The following NEBL variants were observed in gnomAD, a reference collection of about 807,000 sequenced individuals.
NEBL encodes the protein LIM and SH3 protein 2.
In NEBL, 122 loss-of-function variants were observed where a neutral mutation model predicts 140.2. The ratio of observed to expected loss-of-function variants is 0.87; its 90% confidence interval spans 0.75 to 1.01. The LOEUF is 1.01. Among genes scored for constraint, NEBL ranks in the 50% least tolerant of loss-of-function variants. The pLI is 0.00. For missense variants in NEBL, 1,365 were observed against 1,231.3 expected, an observed-to-expected ratio of 1.11 and a Z score of -1.62; for synonymous variants, 436 against 398.9, an observed-to-expected ratio of 1.09 and a Z score of -1.11.
rs533223305 is a variant in NEBL, at chr10:20,930,701, C to T, written c.357+30971G>A. 3.9e-5 allele frequency among the ~76,000 whole-genome samples: 6 copies of T among 152,248 alleles called. No individual in the cohort carries two copies. In the South Asian group the frequency reaches 6.2e-4, roughly 16 times the overall value. ...CCCTTCTGCCTTGAGCCTAAATAGA[C>T]GGCTTCTACTTAGACATGAGCCACA... On this transcript the variant is annotated intron_variant, in intron 4 of 6. Transcript: ENST00000417816.
In NEBL at chr10:21,227,705, TTCTTCTTTCTTCTTC is replaced by T. The variant is rs1403806787; in HGVS notation, n.348+20201_348+20215del. On this transcript the variant is annotated intron_variant and non_coding_transcript_variant, in intron 3 of 8. Transcript: ENST00000675702. ...CTTCTTCTTCTTCTTCTTCTTCTTC[TTCTTCTTTCTTCTTC>T]TTCTTCTTCTTCTTCTTCTTCTTCT... Among the ~76,000 whole-genome samples the T allele has an allele frequency of 7.0e-3, 506 of 71,960 alleles. 1 individual carries two copies. The highest frequency in any genetic ancestry group is 0.026 in the Middle Eastern group (4 of 152). 47.2% of individuals were successfully genotyped at this position (71,960 alleles called of 152,430 possible).
chr10:21,121,569 A>G (rs906063267), intron 2 of NEBL, among the ~76,000 whole-genome samples: 1 of 152,226 alleles, frequency 6.6e-6, no homozygotes, highest in African/African-American at 2.4e-5. Context: ...GTAGAAATGC[A>G]TTATGAAATA....
rs545102294 is a variant in NEBL, at chr10:20,989,737, G to T, written c.250-27958C>A. Among the ~76,000 whole-genome samples, 42 of 152,280 alleles carry T rather than the reference G, an allele frequency of 2.8e-4. 1 individual carries two copies. The South Asian group carries it at 6.8e-3, about 25-fold the overall frequency. On this transcript the variant is annotated intron_variant, in intron 3 of 6. Transcript: ENST00000417816. Reference sequence around the variant, plus strand: ...TGATTTATGACCATTATATCTGAGGGATTCTTGTTCCTTGGAGGATCACAT... The same window carrying T: ...TGATTTATGACCATTATATCTGAGGTATTCTTGTTCCTTGGAGGATCACAT...
intron 1 of NEBL, among the ~76,000 whole-genome samples, chr10:21,257,247 A>G (rs1006048845): frequency 2.0e-5 from 3 of 152,202 alleles, no homozygotes; most frequent in Admixed American, 6.6e-5. Context: ...CAGTATTTCT[A>G]TGAGGCCCTG....
intron 4 of NEBL, among the ~76,000 whole-genome samples, chr10:20,886,094 C>T (rs1016984100): frequency 6.6e-6 from 1 of 152,164 alleles, no homozygotes; most frequent in Non-Finnish European, 1.5e-5. Flanking sequence ...GGGACGGGTT[C>T]ATATTAAATA....
intron 4 of NEBL, among the ~76,000 whole-genome samples, chr10:20,922,266 C>A (rs186630243): frequency 6.6e-6 from 1 of 152,134 alleles, no homozygotes; most frequent in African/African-American, 2.4e-5. Context: ...TGTGTCATAG[C>A]GACCCAAATA....
chr10:20,862,538 A>G (rs2131173594), intron 7 of NEBL, among the ~76,000 whole-genome samples: 1 of 152,284 alleles, frequency 6.6e-6, no homozygotes, highest in South Asian at 2.1e-4. Flanking sequence ...AGACACACTC[A>G]ACATTCTATT....
At chr10:20,929,939 G>A (rs1017809691) in intron 4 of NEBL, among the ~76,000 whole-genome samples, 1 of 152,044 alleles carries the variant, frequency 6.6e-6, no homozygotes, top group Non-Finnish European at 1.5e-5. Flanking sequence ...TAAAAAAATT[G>A]AGGTTAGAGA....
chr10:21,266,069 C>T (rs982607942), intron 1 of NEBL, among the ~76,000 whole-genome samples: 3 of 152,110 alleles, frequency 2.0e-5, no homozygotes, highest in Admixed American at 1.3e-4. Flanking sequence ...AAAAGCCCCT[C>T]GATCCTGCTG....
Position 21,119,240 on chromosome 10 carries a change from A to G in NEBL, c.164+53143T>C, listed in dbSNP as rs140284605. ...ATTTTTCTCCACTACCTCATCTCTA[A>G]CACAAAGTTCTTTCTTCCTAACTTT... On this transcript the variant is annotated intron_variant, in intron 2 of 6. Coordinates refer to the NEBL transcript ENST00000417816. Among the ~76,000 whole-genome samples the G allele has an allele frequency of 5.1e-3, 779 of 152,158 alleles. 9 individuals are homozygous for G. The highest frequency in any genetic ancestry group is 0.018 in the African/African-American group (744 of 41,510).
At chr10:20,808,163 T>A (rs1837781950) in intron 26 of NEBL, among the ~76,000 whole-genome samples, 1 of 152,074 alleles carries the variant, frequency 6.6e-6, no homozygotes, top group South Asian at 2.1e-4. Context: ...ATAAAAACTA[T>A]GCAGAACTCA....
chr10:20,930,334 G>A (rs1834122965), intron 4 of NEBL, among the ~76,000 whole-genome samples: 1 of 152,112 alleles, frequency 6.6e-6, no homozygotes, highest in African/African-American at 2.4e-5. Flanking sequence ...AAGCAAAACT[G>A]AAATTCATCT....
intron 2 of NEBL, among the ~76,000 whole-genome samples, chr10:21,161,510 T>C (rs1198965814): frequency 6.6e-6 from 1 of 152,104 alleles, no homozygotes; most frequent in Non-Finnish European, 1.5e-5. Flanking sequence ...ACAAAGGCAA[T>C]TAGACCATTC....
chr10:21,090,754 G>A lies in NEBL; in HGVS notation c.165-70553C>T, dbSNP rs538760984. ...CGCCACCTGGTTTTGTCATTAGCCA[G>A]TTTCCTCCTGGCTCAGAAGGCACCA... is the stretch of plus-strand genomic sequence containing the variant. On this transcript the variant is annotated intron_variant, in intron 2 of 6. Transcript: ENST00000417816. Among the ~76,000 whole-genome samples, 7 of 152,250 alleles carry A rather than the reference G, an allele frequency of 4.6e-5. No individual in the cohort carries two copies. In the South Asian group the frequency reaches 1.5e-3, roughly 32 times the overall value.
intron 7 of NEBL, among the ~76,000 whole-genome samples, chr10:20,860,621 T>TA (rs1843610151): frequency 6.8e-6 from 1 of 146,942 alleles, no homozygotes; most frequent in South Asian, 2.2e-4. Context: ...CCCTTTAACT[T>TA]ACTGTAGCCA....
At chr10:20,942,600 A>C (rs1231899901) in intron 4 of NEBL, among the ~76,000 whole-genome samples, 1 of 152,234 alleles carries the variant, frequency 6.6e-6, no homozygotes, top group African/African-American at 2.4e-5. Context: ...GGACCTAATT[A>C]AACTAAAGAG....
chr10:21,061,692 C>T (rs996729559), intron 2 of NEBL, among the ~76,000 whole-genome samples: 1 of 152,000 alleles, frequency 6.6e-6, no homozygotes, highest in African/African-American at 2.4e-5. Context: ...AAAAAAGAAG[C>T]ATGCTAATAA....
chr10:21,074,460 T>G, intron 2 of NEBL, among the ~76,000 whole-genome samples: 1 of 151,292 alleles, frequency 6.6e-6, no homozygotes, highest in Non-Finnish European at 1.5e-5. Flanking sequence ...TGCTCCTCAT[T>G]GAACTTCTTT....
intron 26 of NEBL, among the ~76,000 whole-genome samples, chr10:20,807,072 T>A (rs1207823287): frequency 6.6e-6 from 1 of 152,120 alleles, no homozygotes; most frequent in Non-Finnish European, 1.5e-5. Context: ...ACGCCTCTGA[T>A]CCCCGCACTT....
Sources: gnomAD v4.1 joint callset for allele counts (sites outside exome capture counted in the v4.1 genomes callset) on GRCh38, gnomAD v4.1.1 for gene constraint, MANE v1.5 for transcripts, NCBI Gene and HGNC (gene_info 2026-07-23, HGNC 2026-07-21) for gene names.